NRXN3: variants seen among roughly 807,000 people sequenced by gnomAD.
The protein encoded by NRXN3 is neurexin III.
Under a neutral mutation model 137.6 loss-of-function variants are expected in NRXN3, and 32 were observed. That is an observed-to-expected ratio of 0.23 (90% CI 0.18 to 0.31). NRXN3 has a LOEUF of 0.31. Ranked by LOEUF, NRXN3 falls within the 10% of genes least tolerant of loss-of-function variation. The pLI is 1.00. For missense variants in NRXN3, 1,574 were observed against 2,062.5 expected (o/e 0.76, Z 4.59); for synonymous variants, 798 against 784.5 (o/e 1.02, Z -0.29).
chr14:79,316,629 A>G (rs190029589), intron 15 of NRXN3, among the ~76,000 whole-genome samples: 3 of 152,120 alleles, frequency 2.0e-5, no homozygotes, highest in African/African-American at 7.2e-5. Flanking sequence ...CCAGTTGACA[A>G]CTTGCCCTGC....
At chr14:78,660,842 T>G (rs2152680068) in intron 6 of NRXN3, among the ~76,000 whole-genome samples, 1 of 152,350 alleles carries the variant, frequency 6.6e-6, no homozygotes. Flanking sequence ...ATTCCTCATG[T>G]TCCTATTTTA....
chr14:78,843,689 T>C (rs754293703), intron 10 of NRXN3, among the ~76,000 whole-genome samples: 3 of 152,100 alleles, frequency 2.0e-5, no homozygotes, highest in Admixed American at 6.6e-5. Flanking sequence ...TTTCCCTCAA[T>C]AAAGAAGGGA....
intron 10 of NRXN3, among the ~76,000 whole-genome samples, chr14:78,818,154 A>G (rs1220774050): frequency 6.6e-6 from 1 of 151,716 alleles, no homozygotes; most frequent in Non-Finnish European, 1.5e-5. Flanking sequence ...TAGATATATA[A>G]AGTTAGTGTA....
intron 15 of NRXN3, among the ~76,000 whole-genome samples, chr14:79,423,028 T>C (rs1461101732): frequency 6.6e-6 from 1 of 152,110 alleles, no homozygotes; most frequent in Non-Finnish European, 1.5e-5. Context: ...TGTTTCAGCT[T>C]TTGATTTTTA....
rs76710163 is a variant in NRXN3 at position 78,967,197 on chromosome 14, T to C, written c.2778-11T>C. 21 of 1,581,368 alleles carry C rather than the reference T, an allele frequency of 1.3e-5. No individual in the cohort carries two copies. Among genetic ancestry groups the C allele is most frequent in the Middle Eastern group, 1.7e-4 (1 of 5,874 alleles). ...TTTCCAATTATTGTTTTTTTTTTTT[T>C]TTCTTCCTAGGTATATACACTACGT... On this transcript the variant is annotated splice_polypyrimidine_tract_variant and intron_variant, in intron 12 of 20. Transcript: ENST00000335750.
chr14:78,517,651 T>G (rs1225845589), intron 4 of NRXN3, among the ~76,000 whole-genome samples: 1 of 152,122 alleles, frequency 6.6e-6, no homozygotes. Context: ...TGAAAACCAT[T>G]TAGGAATTCA....
chr14:78,707,547 GA>G (rs1333912254), intron 6 of NRXN3, among the ~76,000 whole-genome samples: 1 of 152,178 alleles, frequency 6.6e-6, no homozygotes, highest in East Asian at 1.9e-4. Context: ...ACCTGGTTTA[GA>G]AAGTCATAAC....
At chr14:78,567,684 C>T (rs976951456) in intron 4 of NRXN3, among the ~76,000 whole-genome samples, 1 of 151,962 alleles carries the variant, frequency 6.6e-6, no homozygotes, top group Non-Finnish European at 1.5e-5. Flanking sequence ...GTTTAAATGG[C>T]TTTATTATGA....
At chr14:79,485,600 G>T (rs772599086) in intron 16 of NRXN3, among the ~76,000 whole-genome samples, 1 of 151,968 alleles carries the variant, frequency 6.6e-6, no homozygotes, top group Non-Finnish European at 1.5e-5. Flanking sequence ...GTGTGTGTGC[G>T]TGCCTATCTG....
chr14:78,659,861 G>A (rs2097821646), intron 6 of NRXN3, among the ~76,000 whole-genome samples: 1 of 152,144 alleles, frequency 6.6e-6, no homozygotes. Context: ...GAAAGAGAGA[G>A]AGAAAGAAAG....
intron 9 of NRXN3, among the ~76,000 whole-genome samples, chr14:78,806,494 C>T (rs1323783563): frequency 6.6e-6 from 1 of 152,198 alleles, no homozygotes; most frequent in African/African-American, 2.4e-5. Flanking sequence ...TTTGCTCCCT[C>T]ACTCTATTCA....
intron 4 of NRXN3, among the ~76,000 whole-genome samples, chr14:78,355,525 C>T (rs923031060): frequency 1.3e-5 from 2 of 152,086 alleles, no homozygotes; most frequent in African/African-American, 4.8e-5. Flanking sequence ...TTCAAGTGAT[C>T]CTCCCACCTC....
chr14:79,229,582 G>A (rs1195296793), intron 15 of NRXN3, among the ~76,000 whole-genome samples: 1 of 152,158 alleles, frequency 6.6e-6, no homozygotes, highest in Non-Finnish European at 1.5e-5. Flanking sequence ...GCAGGATGGA[G>A]GAGTAAAGAC....
At chr14:79,129,661 TG>T (rs2057128866) in intron 15 of NRXN3, among the ~76,000 whole-genome samples, 1 of 132,670 alleles carries the variant, frequency 7.5e-6, no homozygotes, top group African/African-American at 2.7e-5. Context: ...TCTGTTGATT[TG>T]GGGTGGAGAG....
intron 6 of NRXN3, among the ~76,000 whole-genome samples, chr14:78,660,987 A>G (rs1435917458): frequency 6.6e-6 from 1 of 152,246 alleles, no homozygotes; most frequent in African/African-American, 2.4e-5. Context: ...CCTCAGATGA[A>G]TGCTATCCCA....
chr14:79,055,832 G>A (rs1026481402), intron 15 of NRXN3, among the ~76,000 whole-genome samples: 3 of 152,128 alleles, frequency 2.0e-5, no homozygotes, highest in African/African-American at 7.2e-5. Flanking sequence ...GACAGTGCAG[G>A]TCAATTTAGG....
intron 2 of NRXN3, among the ~76,000 whole-genome samples, chr14:78,276,277 C>T (rs981826711): frequency 2.6e-5 from 4 of 152,246 alleles, no homozygotes; most frequent in African/African-American, 7.2e-5. Flanking sequence ...TGCTTCTGTT[C>T]GCCCCCTCAC....
intron 15 of NRXN3, among the ~76,000 whole-genome samples, chr14:79,223,157 G>A (rs1356716149): frequency 6.6e-6 from 1 of 152,152 alleles, no homozygotes; most frequent in Non-Finnish European, 1.5e-5. Flanking sequence ...AAATGAAAGT[G>A]ATTAGAAAGT....
At chr14:79,177,192 T>C (rs1442447262) in intron 15 of NRXN3, among the ~76,000 whole-genome samples, 1 of 152,206 alleles carries the variant, frequency 6.6e-6, no homozygotes, top group African/African-American at 2.4e-5. Context: ...AGCACAATTA[T>C]TTATTATCCT....
Sources: allele counts gnomAD v4.1 joint callset (sites outside exome capture counted in the v4.1 genomes callset), GRCh38; gene constraint gnomAD v4.1.1; transcripts MANE v1.5; gene names NCBI Gene and HGNC (gene_info 2026-07-23, HGNC 2026-07-21).